The following PCDHA5 variants were observed in gnomAD, a reference collection of about 807,000 sequenced individuals.
PCDHA5 encodes the protein protocadherin alpha-5.
PCDHA5 carries 43 observed loss-of-function variants against 61.6 expected under a neutral mutation model. The observed-to-expected ratio is 0.70, with a 90% confidence interval of 0.55 to 0.90. The LOEUF (loss-of-function observed/expected upper bound fraction) is 0.90, where lower values mean the gene tolerates loss of function less well. PCDHA5 is among the 40% of genes least tolerant of loss of function. The pLI, the probability that PCDHA5 is intolerant of heterozygous loss-of-function variation, is 0.00. For missense variants in PCDHA5, 1,298 were observed against 1,222.7 expected, an observed-to-expected ratio of 1.06 and a Z score of -0.92; for synonymous variants, 627 against 543.9, an observed-to-expected ratio of 1.15 and a Z score of -2.13.
chr5:140,929,327 T>A (rs782155915), intron 1 of PCDHA5: 1 of 1,536,752 alleles, frequency 6.5e-7, no homozygotes, highest in Admixed American at 2.1e-5. Context: ...AATGCCATGG[T>A]AAGCAAATTT....
intron 1 of PCDHA5, among the ~76,000 whole-genome samples, chr5:140,826,390 C>A (rs191018508): frequency 6.6e-6 from 1 of 152,208 alleles, no homozygotes; most frequent in Admixed American, 6.5e-5. Flanking sequence ...ATAAGAACTA[C>A]TAAATAGATC....
chr5:140,848,498 G>A, intron 1 of PCDHA5: 1 of 1,584,262 alleles, frequency 6.3e-7, no homozygotes. Context: ...TATTTGAAAT[G>A]TTATACTCAA....
intron 1 of PCDHA5, among the ~76,000 whole-genome samples, chr5:140,838,935 TAATAAAATAA>T (rs1186571610): frequency 2.0e-5 from 3 of 151,738 alleles, no homozygotes; most frequent in African/African-American, 7.3e-5. Flanking sequence ...TAAAATGAAA[TAATAAAATAA>T]AATAAAATAA....
chr5:140,969,509 C>T (rs1554231905), intron 1 of PCDHA5: 1 of 1,416,140 alleles, frequency 7.1e-7, no homozygotes, highest in Non-Finnish European at 9.4e-7. Context: ...AAAAATAGCA[C>T]TAAAGAATTG....
chr5:140,971,692 C>T (rs2096492766), intron 1 of PCDHA5, among the ~76,000 whole-genome samples: 1 of 152,116 alleles, frequency 6.6e-6, no homozygotes, highest in South Asian at 2.1e-4. Context: ...TTTGTACTCA[C>T]TAACCACCCT....
intron 1 of PCDHA5, chr5:140,929,431 C>T (rs155360): frequency 0.52 from 779,088 of 1,485,262 alleles, 207,160 homozygotes; most frequent in African/African-American, 0.75. Context: ...ATCAATTGAA[C>T]TAAACACTCC....
chr5:140,836,198 G>C lies in PCDHA5; in HGVS notation c.2352+12071G>C. The C allele has an allele frequency of 3.1e-6, 5 of 1,613,862 alleles. 1 individual carries two copies. The South Asian group carries it at 5.5e-5, about 18-fold the overall frequency. ...TTGACGCTGACTCAGGCTACAACGC[G>C]TGGCTTTCGTATGAGTTGCAACCGG... is the stretch of plus-strand genomic sequence containing the variant. On this transcript the variant is annotated intron_variant, in intron 1 of 3. Transcript: ENST00000529859.
At chr5:140,965,400 G>A (rs782574003) in intron 1 of PCDHA5, among the ~76,000 whole-genome samples, 1 of 152,154 alleles carries the variant, frequency 6.6e-6, no homozygotes, top group Non-Finnish European at 1.5e-5. Context: ...GAAGTCTAAG[G>A]AGTCTTATAT....
chr5:140,902,127 C>G (rs2069118126), intron 1 of PCDHA5, among the ~76,000 whole-genome samples: 1 of 150,418 alleles, frequency 6.6e-6, no homozygotes, highest in African/African-American at 2.4e-5. Context: ...GAGATTATAT[C>G]ATCTGCAAAC....
At chr5:140,835,741 C>A (rs558922738) in intron 1 of PCDHA5, 1 of 1,613,586 alleles carries the variant, frequency 6.2e-7, no homozygotes, top group Admixed American at 1.7e-5. Flanking sequence ...GACAACGCCC[C>A]GGCGTTCGCG....
At chr5:140,859,768 T>A (rs1469606357) in intron 1 of PCDHA5, 1 of 152,934 alleles carries the variant, frequency 6.5e-6, no homozygotes, top group Non-Finnish European at 1.5e-5. Flanking sequence ...ATACTCTCCA[T>A]GCCCTGTCTC....
rs2150361079 is a variant in PCDHA5, at chr5:140,843,485, C to G, written c.2352+19358C>G. On this transcript the variant is annotated intron_variant, in intron 1 of 3. Transcript: ENST00000529859. The stretch of plus-strand genomic sequence containing the variant: ...CACGCTGCTGCTGTACACTGCGCTG[C>G]GGTGCTCAGCACTGCCCACTGAGGG... The G allele has an allele frequency of 5.6e-6, 9 of 1,595,872 alleles. No homozygotes were observed. The African/African-American group carries it at 1.1e-4, about 19-fold the overall frequency.
intron 1 of PCDHA5, among the ~76,000 whole-genome samples, chr5:140,977,165 T>C (rs921089293): frequency 1.3e-5 from 2 of 152,156 alleles, no homozygotes; most frequent in Non-Finnish European, 2.9e-5. Context: ...TTCAGCAAAA[T>C]GAGTTTGATG....
intron 1 of PCDHA5, chr5:140,966,328 CG>C: frequency 2.5e-6 from 1 of 392,484 alleles, no homozygotes; most frequent in Non-Finnish European, 4.5e-6. Flanking sequence ...CGCTGGGATC[CG>C]GCAGGTCCAG....
chr5:140,944,273 G>A (rs1208171689), intron 1 of PCDHA5, among the ~76,000 whole-genome samples: 2 of 152,098 alleles, frequency 1.3e-5, no homozygotes, highest in African/African-American at 4.8e-5. Flanking sequence ...CTGCAGCCTT[G>A]ACACCCCGGG....
rs1342551274 is a variant in PCDHA5, at chr5:140,871,604, T to C, written c.2352+47477T>C. 4 of 1,443,096 alleles carry C rather than the reference T, an allele frequency of 2.8e-6. No homozygotes were observed. In the African/African-American group the frequency reaches 4.3e-5, roughly 16 times the overall value. The allele number at this position is 1,443,096 out of a possible 1,614,324, so 89.4% of individuals were successfully genotyped here. A position where few individuals can be genotyped will look rare whatever the true frequency, so the allele number is the denominator to read the frequency against. On this transcript the variant is annotated intron_variant, in intron 1 of 3. Coordinates refer to ENST00000529859, the MANE Select transcript of PCDHA5 (RefSeq NM_018908.3). The stretch of plus-strand genomic sequence containing the variant: ...AAAGTTTTATGAATAACCAGTGTTT[T>C]GAATATTGTTTTAGATAACAATGTC...
chr5:140,848,973 G>A, intron 1 of PCDHA5: 1 of 1,600,934 alleles, frequency 6.2e-7, no homozygotes, highest in South Asian at 1.1e-5. Context: ...CGCGTCCGAT[G>A]CAGATATCGG....
At chr5:140,829,846 G>C in intron 1 of PCDHA5, 1 of 1,613,940 alleles carries the variant, frequency 6.2e-7, no homozygotes. Flanking sequence ...CGCGGTCACT[G>C]GGTGCAGGCC....
chr5:140,927,099 T>C (rs782352775), intron 1 of PCDHA5: 1 of 1,613,434 alleles, frequency 6.2e-7, no homozygotes, highest in Non-Finnish European at 8.5e-7. Context: ...TCGGGGTGGA[T>C]CTACCCAGCG....
Sources: allele counts gnomAD v4.1 joint callset (sites outside exome capture counted in the v4.1 genomes callset), GRCh38; gene constraint gnomAD v4.1.1; transcripts MANE v1.5; gene names NCBI Gene and HGNC (gene_info 2026-07-23, HGNC 2026-07-21).